PKIB: variants seen among roughly 807,000 people sequenced by gnomAD.
PKIB encodes cAMP-dependent protein kinase inhibitor beta.
A neutral mutation model predicts 4.5 loss-of-function variants in PKIB; 2 were observed. That is an observed-to-expected ratio of 0.44 (90% CI 0.18 to 1.39). The LOEUF (loss-of-function observed/expected upper bound fraction) is 1.39. PKIB is among the 40% of genes most tolerant of loss of function. PKIB has a pLI of 0.27. For missense variants in PKIB, 94 were observed against 92.6 expected, an observed-to-expected ratio of 1.02 and a Z score of -0.06; for synonymous variants, 38 against 36.0, an observed-to-expected ratio of 1.06 and a Z score of -0.20.
chr6:122,581,712 A>AT (rs898390631), intron 2 of PKIB: 26 of 150,862 alleles, frequency 1.7e-4, no homozygotes, highest in Middle Eastern at 3.4e-3. Flanking sequence ...CATTTATTGT[A>AT]TTTTTTTTTC....
intron 2 of PKIB, among the ~76,000 whole-genome samples, chr6:122,635,470 T>A (rs2114832757): frequency 6.7e-6 from 1 of 149,070 alleles, no homozygotes; most frequent in South Asian, 2.2e-4. Context: ...GAACAAATTA[T>A]CCCTATATTC....
At chr6:122,724,703 A>T (rs999017368) in intron 4 of PKIB, among the ~76,000 whole-genome samples, 2 of 152,122 alleles carry the variant, frequency 1.3e-5, no homozygotes, top group Non-Finnish European at 2.9e-5. Context: ...CCTAAGAAAG[A>T]GCAAAGGGAG....
At chr6:122,576,710 A>ATATATATATTTTTTT (rs59569106) in intron 2 of PKIB, among the ~76,000 whole-genome samples, 3 of 109,976 alleles carry the variant, frequency 2.7e-5, no homozygotes, top group African/African-American at 1.2e-4. Context: ...ATATATATAT[A>ATATATATATTTTTTT]TTTTCTTTTG....
At chr6:122,720,577 G>A (rs9385268) in intron 4 of PKIB, among the ~76,000 whole-genome samples, 63,703 of 151,718 alleles carry the variant, frequency 0.42, 14,865 homozygotes, top group South Asian at 0.64. Context: ...TTGGAGGAGT[G>A]AAAATTTTTG....
intron 3 of PKIB, among the ~76,000 whole-genome samples, chr6:122,694,810 C>T (rs1363308225): frequency 4.6e-5 from 7 of 152,070 alleles, no homozygotes; most frequent in Admixed American, 3.9e-4. Context: ...ATATTCAGGT[C>T]GAGGTGTACA....
intron 2 of PKIB, among the ~76,000 whole-genome samples, chr6:122,668,423 G>A (rs116688490): frequency 6.6e-6 from 1 of 152,158 alleles, no homozygotes; most frequent in African/African-American, 2.4e-5. Context: ...AAGTGAATTA[G>A]TATGATCGAC....
chr6:122,563,993 T>C (rs903770124), intron 2 of PKIB, among the ~76,000 whole-genome samples: 1 of 152,174 alleles, frequency 6.6e-6, no homozygotes, highest in Non-Finnish European at 1.5e-5. Context: ...GTTCATATTA[T>C]TACAAAGTTC....
rs757472170 is a variant in PKIB at position 122,717,784 on chromosome 6, T to C, written c.-8-3T>C. 9 of 1,613,558 alleles carry C rather than the reference T, an allele frequency of 5.6e-6. No individual in the cohort carries two copies. The highest frequency in any genetic ancestry group is 1.3e-5 in the African/African-American group (1 of 74,918). On this transcript the variant is annotated splice_region_variant and splice_polypyrimidine_tract_variant and intron_variant, in intron 3 of 4. Transcript: ENST00000368452. ...CTTCTTCATATGCACATTCTATTTG[T>C]AGATGTTGCTATGAGGACAGATTCA...
At chr6:122,662,481 A>AT (rs915977463) in intron 2 of PKIB, among the ~76,000 whole-genome samples, 323 of 144,866 alleles carry the variant, frequency 2.2e-3, no homozygotes, top group Middle Eastern at 0.011. Context: ...GTGCCCAGCT[A>AT]TTTTTTTTTT....
intron 2 of PKIB, among the ~76,000 whole-genome samples, chr6:122,540,639 G>GA (rs1427182660): frequency 1.3e-5 from 2 of 151,794 alleles, no homozygotes; most frequent in Admixed American, 6.6e-5. Flanking sequence ...GTGTGGTGCT[G>GA]AAAAAAATGT....
chr6:122,494,665 A>G (rs748388170), intron 2 of PKIB, among the ~76,000 whole-genome samples: 1 of 152,212 alleles, frequency 6.6e-6, no homozygotes, highest in Non-Finnish European at 1.5e-5. Flanking sequence ...CAGGGTAGAG[A>G]GTAAACACTT....
chr6:122,498,925 T>C (rs143628822), intron 2 of PKIB, among the ~76,000 whole-genome samples: 4 of 152,266 alleles, frequency 2.6e-5, no homozygotes, highest in African/African-American at 9.6e-5. Context: ...TCAGAGACTA[T>C]TATAAACACC....
At chr6:122,601,043 AG>A (rs1186737539) in intron 3 of PKIB, among the ~76,000 whole-genome samples, 1 of 150,460 alleles carries the variant, frequency 6.6e-6, no homozygotes, top group Non-Finnish European at 1.5e-5. Context: ...AACTAACAGC[AG>A]TTTAAATATG....
At chr6:122,596,253 A>G (rs189572464) in intron 3 of PKIB, among the ~76,000 whole-genome samples, 1 of 152,188 alleles carries the variant, frequency 6.6e-6, no homozygotes. Flanking sequence ...CCAGCCTGTC[A>G]TGCAGAACCA....
intron 2 of PKIB, among the ~76,000 whole-genome samples, chr6:122,637,177 G>C (rs1401317155): frequency 6.6e-6 from 1 of 152,160 alleles, no homozygotes; most frequent in African/African-American, 2.4e-5. Context: ...GAGATTGATA[G>C]ACTTGATTGT....
At chr6:122,710,945 G>T (rs1440626334) in intron 3 of PKIB, among the ~76,000 whole-genome samples, 1 of 152,158 alleles carries the variant, frequency 6.6e-6, no homozygotes, top group Non-Finnish European at 1.5e-5. Context: ...GGGAAAAAAA[G>T]AATGAGAAGG....
At chr6:122,711,021 A>G (rs1779253272) in intron 3 of PKIB, among the ~76,000 whole-genome samples, 2 of 152,108 alleles carry the variant, frequency 1.3e-5, no homozygotes, top group South Asian at 4.1e-4. Flanking sequence ...TAAAAGCTAA[A>G]CTATATAAAA....
intron 4 of PKIB, 93 bp downstream of exon 4, chr6:122,718,056 T>C: frequency 7.9e-7 from 1 of 1,264,070 alleles, no homozygotes; most frequent in Non-Finnish European, 1.1e-6. Context: ...TAGTTAAAAG[T>C]GCTCAGTTTC....
intron 2 of PKIB, among the ~76,000 whole-genome samples, chr6:122,520,932 A>C: frequency 6.6e-6 from 1 of 152,198 alleles, no homozygotes; most frequent in East Asian, 1.9e-4. Context: ...AAGTTGTTGA[A>C]ATGCTTGAAG....
Sources: gnomAD v4.1 joint callset for allele counts (sites outside exome capture counted in the v4.1 genomes callset) on GRCh38, gnomAD v4.1.1 for gene constraint, MANE v1.5 for transcripts, NCBI Gene and HGNC (gene_info 2026-07-23, HGNC 2026-07-21) for gene names.